DNAH11: variants seen among roughly 807,000 people sequenced by gnomAD.
The protein encoded by DNAH11 is dynein axonemal heavy chain 11, also known as axonemal beta dynein heavy chain 11.
In DNAH11, 442 loss-of-function variants were observed where a neutral mutation model predicts 526.0. The ratio of observed to expected loss-of-function variants is 0.84; its 90% CI spans 0.78 to 0.91. The LOEUF (loss-of-function observed/expected upper bound fraction) is 0.91. Among genes scored for constraint, DNAH11 ranks in the 40% least tolerant of loss-of-function variants. The pLI is 0.00. For missense variants in DNAH11, 6,989 were observed against 5,448.7 expected (o/e 1.28, Z -8.90); for synonymous variants, 2,461 against 1,935.9 (o/e 1.27, Z -7.12).
At chr7:21,842,143 CAATT>C (rs991002410) in intron 65 of DNAH11, among the ~76,000 whole-genome samples, 99 of 152,242 alleles carry the variant, frequency 6.5e-4, no homozygotes, top group African/African-American at 2.4e-3. Flanking sequence ...TTGTTTATAT[CAATT>C]AGTCAGTGGT....
chr7:21,599,694 G>C (rs747307451), intron 14 of DNAH11, 93 bp from the exon 15 acceptor site: 11 of 985,842 alleles, frequency 1.1e-5, no homozygotes, highest in Non-Finnish European at 1.6e-5. Context: ...CAACAATGCA[G>C]TCTCTTCTTT....
At chr7:21,570,433 G>C (rs959766486) in intron 7 of DNAH11, 134 bp downstream of exon 7, 1 of 693,028 alleles carries the variant, frequency 1.4e-6, no homozygotes, top group African/African-American at 1.8e-5. Context: ...CTCATAAGGA[G>C]CTCAGCAGGC....
chr7:21,614,931 C>A (rs1785694142), intron 20 of DNAH11, among the ~76,000 whole-genome samples, 183 bp from the exon 21 acceptor site: 1 of 152,308 alleles, frequency 6.6e-6, no homozygotes, highest in Admixed American at 6.5e-5. Context: ...TCTGTTCTCA[C>A]TTTTTGTGCA....
intron 7 of DNAH11, among the ~76,000 whole-genome samples, chr7:21,571,517 C>T (rs950284235): frequency 4.6e-5 from 7 of 152,160 alleles, no homozygotes; most frequent in African/African-American, 1.7e-4. Context: ...TGGGCATAAG[C>T]GATCCTCCTG....
intron 55 of DNAH11, among the ~76,000 whole-genome samples, chr7:21,773,398 A>T (rs1237527448): frequency 6.9e-6 from 1 of 144,834 alleles, no homozygotes; most frequent in African/African-American, 2.6e-5. Flanking sequence ...TCTAAAGCTT[A>T]GTTTGAAAGC....
chr7:21,776,026 A>G (rs1787657593), intron 56 of DNAH11, among the ~76,000 whole-genome samples: 1 of 152,228 alleles, frequency 6.6e-6, no homozygotes, highest in South Asian at 2.1e-4. Context: ...TGGTGGCAGC[A>G]TCTCAGCCAC....
At chr7:21,848,047 G>C (rs1023318870) in intron 66 of DNAH11, among the ~76,000 whole-genome samples, 1 of 151,468 alleles carries the variant, frequency 6.6e-6, no homozygotes, top group African/African-American at 2.4e-5. Context: ...GGTGCCTGTA[G>C]TCCCAGCTAC....
At chr7:21,586,847 A>G (rs1341285340) in intron 9 of DNAH11, among the ~76,000 whole-genome samples, 1 of 152,256 alleles carries the variant, frequency 6.6e-6, no homozygotes, top group Admixed American at 6.5e-5. Flanking sequence ...ATCAGATAAC[A>G]AAATGACATA....
At chr7:21,899,681 G>T (rs116187539) in intron 80 of DNAH11, among the ~76,000 whole-genome samples, 37 of 152,142 alleles carry the variant, frequency 2.4e-4, no homozygotes, top group African/African-American at 8.7e-4. Context: ...GGTGGGGCAC[G>T]GTGTGCTCTT....
At chr7:21,749,379 C>G (rs150636085) in intron 52 of DNAH11, among the ~76,000 whole-genome samples, 99 of 152,206 alleles carry the variant, frequency 6.5e-4, no homozygotes, top group African/African-American at 2.1e-3. Flanking sequence ...CTGAAAAAGG[C>G]GTCGCTGAAT....
rs956779675 is a variant in DNAH11 at position 21,543,057 on chromosome 7, G to C, written c.-189G>C. The stretch of plus-strand genomic sequence containing the variant: ...GCTGCTTGTCCCAGGCCTTCGCTTC[G>C]GCCTGCGAGGCTACAGCTGTGCGCA... On this transcript the variant is annotated 5_prime_UTR_variant, in exon 1 of 82. Transcript: ENST00000409508. Among the ~76,000 whole-genome samples, 4 of 152,216 alleles carry C rather than the reference G, an allele frequency of 2.6e-5. No homozygotes were observed. Among genetic ancestry groups the C allele is most frequent in the African/African-American group, 9.6e-5 (4 of 41,470 alleles).
intron 53 of DNAH11, 72 bp from the exon 54 acceptor site, chr7:21,750,150 A>G: frequency 6.8e-7 from 1 of 1,473,628 alleles, no homozygotes; most frequent in Non-Finnish European, 9.0e-7. Context: ...AAACATTTCA[A>G]ACGTTTAAAA....
In DNAH11 at chr7:21,741,911, T is replaced by A. The variant is rs1232597842; in HGVS notation, c.7915-16T>A. On this transcript the variant is annotated splice_polypyrimidine_tract_variant and intron_variant, in intron 48 of 81. Coordinates refer to ENST00000409508, the MANE Select transcript of DNAH11 (RefSeq NM_001277115.2). ...AATTGTAATCCTTACACTCTTATAT[T>A]TGCTTTTCTTTTCAGAGACATTTCA... The A allele has an allele frequency of 6.2e-7, 1 of 1,612,808 alleles. No homozygotes were observed. The highest frequency in any genetic ancestry group is 8.5e-7 in the Non-Finnish European group (1 of 1,179,340).
At chr7:21,697,202 G>A (rs1191304437) in intron 35 of DNAH11, among the ~76,000 whole-genome samples, 1 of 152,024 alleles carries the variant, frequency 6.6e-6, no homozygotes, top group Non-Finnish European at 1.5e-5. Flanking sequence ...TTCCTTCTTT[G>A]CACTTGACTT....
chr7:21,739,449 C>T (rs1228619715), intron 47 of DNAH11, 122 bp from the exon 48 acceptor site: 1 of 687,954 alleles, frequency 1.5e-6, no homozygotes, highest in Non-Finnish European at 2.4e-6. Flanking sequence ...ACTAGGTCAA[C>T]CTCACAGAGT....
At chr7:21,745,941 T>C (rs1410698393) in intron 51 of DNAH11, among the ~76,000 whole-genome samples, 3 of 152,202 alleles carry the variant, frequency 2.0e-5, no homozygotes, top group Non-Finnish European at 4.4e-5. Flanking sequence ...AAGGCAAGAA[T>C]GTTTGAGATA....
intron 12 of DNAH11, among the ~76,000 whole-genome samples, chr7:21,590,542 C>A (rs1240329152): frequency 6.6e-6 from 1 of 152,164 alleles, no homozygotes; most frequent in African/African-American, 2.4e-5. Flanking sequence ...GATAAGCATA[C>A]TCTGCACCCA....
intron 65 of DNAH11, among the ~76,000 whole-genome samples, chr7:21,831,715 G>C (rs1781778896): frequency 6.6e-6 from 1 of 152,182 alleles, no homozygotes; most frequent in South Asian, 2.1e-4. Flanking sequence ...AGATATGCAA[G>C]AGAGACACAG....
intron 54 of DNAH11, among the ~76,000 whole-genome samples, chr7:21,750,646 AAAT>A (rs1426929858): frequency 3.9e-5 from 6 of 152,204 alleles, no homozygotes; most frequent in African/African-American, 1.4e-4. Context: ...GAGACATCAC[AAAT>A]AATTATCATA....
Sources: gnomAD v4.1 joint callset for allele counts (sites outside exome capture counted in the v4.1 genomes callset) on GRCh38, gnomAD v4.1.1 for gene constraint, MANE v1.5 for transcripts, NCBI Gene and HGNC (gene_info 2026-07-23, HGNC 2026-07-21) for gene names.